KIAA1217: variants seen among roughly 807,000 people sequenced by gnomAD.
KIAA1217 encodes the protein sickle tail protein homolog.
KIAA1217 carries 88 observed loss-of-function variants against 163.9 expected under a neutral mutation model. The ratio of observed to expected loss-of-function variants is 0.54; its 90% confidence interval spans 0.45 to 0.64. The LOEUF (loss-of-function observed/expected upper bound fraction) is 0.64, where lower values mean the gene tolerates loss of function less well. KIAA1217 is among the 30% of genes least tolerant of loss of function. KIAA1217 has a pLI of 0.00. For missense variants in KIAA1217, 2,372 were observed against 2,475.0 expected, an observed-to-expected ratio of 0.96 and a Z score of 0.88; for synonymous variants, 903 against 923.1, an observed-to-expected ratio of 0.98 and a Z score of 0.39.
chr10:24,385,823 T>C (rs1470172362), intron 3 of KIAA1217, among the ~76,000 whole-genome samples: 3 of 152,164 alleles, frequency 2.0e-5, no homozygotes, highest in African/African-American at 7.2e-5. Context: ...CAATAGAATT[T>C]GGTTGCAGAA....
rs916186829 is a variant in KIAA1217 at position 24,338,857 on chromosome 10, C to G, written c.355-42012C>G. 1.9e-4 allele frequency among the ~76,000 whole-genome samples: 29 copies of G among 152,084 alleles called. 1 individual carries two copies. The highest frequency in any genetic ancestry group is 3.4e-3 in the Middle Eastern group (1 of 292). On this transcript the variant is annotated intron_variant, in intron 2 of 20. Transcript: ENST00000376454. ...AAGAATAATTTCATCTTAACAGAAT[C>G]ATGTTGAAACTATCTTATAGAAGGA...
chr10:24,395,616 T>G (rs1325898301), intron 3 of KIAA1217, among the ~76,000 whole-genome samples: 1 of 152,210 alleles, frequency 6.6e-6, no homozygotes, highest in Non-Finnish European at 1.5e-5. Context: ...CTTTCTTGAT[T>G]CTAGGGCTAG....
At chr10:24,296,021 A>G (rs2040555438) in intron 2 of KIAA1217, among the ~76,000 whole-genome samples, 1 of 152,202 alleles carries the variant, frequency 6.6e-6, no homozygotes, top group African/African-American at 2.4e-5. Context: ...GCTGGCCAGC[A>G]GTAAGGGTGT....
intron 5 of KIAA1217, among the ~76,000 whole-genome samples, chr10:24,467,765 T>A (rs555373163): frequency 6.6e-6 from 1 of 152,134 alleles, no homozygotes; most frequent in South Asian, 2.1e-4. Flanking sequence ...GACTGGGATA[T>A]ATTAATGTGA....
chr10:23,738,439 C>T (rs990934041), intron 1 of KIAA1217, among the ~76,000 whole-genome samples: 1 of 152,062 alleles, frequency 6.6e-6, no homozygotes, highest in Non-Finnish European at 1.5e-5. Flanking sequence ...ATTTATTTGG[C>T]CTCTACTCTG....
At chr10:24,149,059 A>G (rs1283898662) in intron 2 of KIAA1217, among the ~76,000 whole-genome samples, 1 of 152,212 alleles carries the variant, frequency 6.6e-6, no homozygotes, top group African/African-American at 2.4e-5. Flanking sequence ...CCCATTCCCT[A>G]TGGAATCACA....
intron 2 of KIAA1217, among the ~76,000 whole-genome samples, chr10:24,130,078 C>A (rs16924318): frequency 6.6e-6 from 1 of 152,276 alleles, no homozygotes; most frequent in Admixed American, 6.5e-5. Context: ...CACAGAAAAA[C>A]CTTTTTACTC....
At chr10:23,736,326 A>G (rs913144873) in intron 1 of KIAA1217, among the ~76,000 whole-genome samples, 12 of 152,088 alleles carry the variant, frequency 7.9e-5, no homozygotes, top group Admixed American at 6.6e-4. Context: ...TATTTTTCCT[A>G]TATGGACAAC....
intron 1 of KIAA1217, among the ~76,000 whole-genome samples, chr10:23,966,459 T>A (rs1244089130): frequency 6.6e-6 from 1 of 152,126 alleles, no homozygotes; most frequent in Non-Finnish European, 1.5e-5. Context: ...GCCGCCAGTA[T>A]GACACACGTG....
chr10:24,058,993 T>C (rs1470081552), intron 2 of KIAA1217, among the ~76,000 whole-genome samples: 4 of 152,172 alleles, frequency 2.6e-5, no homozygotes, highest in Non-Finnish European at 4.4e-5. Flanking sequence ...GTTTTCACCA[T>C]TGAGTATGAT....
intron 1 of KIAA1217, among the ~76,000 whole-genome samples, chr10:23,760,148 T>C (rs1409937578): frequency 6.6e-6 from 1 of 152,184 alleles, no homozygotes; most frequent in Non-Finnish European, 1.5e-5. Flanking sequence ...CATACACAAA[T>C]CAAATCAAAA....
At chr10:24,341,604 A>G (rs2133836517) in intron 2 of KIAA1217, among the ~76,000 whole-genome samples, 1 of 152,154 alleles carries the variant, frequency 6.6e-6, no homozygotes, top group Admixed American at 6.5e-5. Context: ...ATTTCCTTTT[A>G]TACTCTGCGT....
intron 2 of KIAA1217, among the ~76,000 whole-genome samples, chr10:24,172,030 C>T (rs148271896): frequency 6.6e-6 from 1 of 152,064 alleles, no homozygotes; most frequent in African/African-American, 2.4e-5. Flanking sequence ...TTAGACATGG[C>T]AAATGGCTTG....
rs888976706 is a variant in KIAA1217, at chr10:24,545,276, C to T, written c.5334+173C>T. On this transcript the variant is annotated intron_variant, in intron 20 of 20. Transcript: ENST00000376454. ...AAACCTTTGTTACACTTTTTTACCA[C>T]GCTTTTGCATGCTTGCAATAAAACA... The T allele has an allele frequency of 5.6e-5, 79 of 1,415,094 alleles. No homozygotes were observed. In the South Asian group the frequency reaches 8.9e-4, roughly 16 times the overall value. The allele number at this position is 1,415,094 out of a possible 1,614,324, so 87.7% of individuals were successfully genotyped here. A position where few individuals can be genotyped will look rare whatever the true frequency, so the allele number is the denominator to read the frequency against.
intron 1 of KIAA1217, among the ~76,000 whole-genome samples, chr10:23,895,684 C>T (rs1056904417): frequency 3.3e-5 from 5 of 152,056 alleles, no homozygotes; most frequent in Admixed American, 3.3e-4. Context: ...TATAAAGACA[C>T]ATGCACACGT....
At chr10:24,176,275 T>C (rs2065886082) in intron 2 of KIAA1217, among the ~76,000 whole-genome samples, 1 of 152,146 alleles carries the variant, frequency 6.6e-6, no homozygotes, top group Admixed American at 6.5e-5. Context: ...GATTGGTGCA[T>C]TTACAAACCT....
intron 2 of KIAA1217, among the ~76,000 whole-genome samples, chr10:24,068,625 C>T (rs2061063943): frequency 6.6e-6 from 1 of 152,194 alleles, no homozygotes; most frequent in African/African-American, 2.4e-5. Context: ...AGCATGACAT[C>T]AACCCAGCTA....
chr10:23,830,094 A>C (rs1310627964), intron 1 of KIAA1217, among the ~76,000 whole-genome samples: 8 of 152,226 alleles, frequency 5.3e-5, no homozygotes. Flanking sequence ...AATCAGAGGC[A>C]GTAATTGATT....
chr10:23,814,691 C>G (rs1002622251), intron 1 of KIAA1217, among the ~76,000 whole-genome samples: 2 of 152,150 alleles, frequency 1.3e-5, no homozygotes, highest in African/African-American at 4.8e-5. Flanking sequence ...ATGCTCTTAT[C>G]CAGTTAGGTT....
Sources: allele counts gnomAD v4.1 joint callset (sites outside exome capture counted in the v4.1 genomes callset), GRCh38; gene constraint gnomAD v4.1.1; transcripts MANE v1.5; gene names NCBI Gene and HGNC (gene_info 2026-07-23, HGNC 2026-07-21).